The following HDAC8 variants were observed in gnomAD, a reference collection of about 807,000 sequenced individuals.
HDAC8 encodes the protein histone deacetylase 8.
Under a neutral mutation model 32.2 loss-of-function variants are expected in HDAC8, and 1 was observed. The ratio of observed to expected loss-of-function variants is 0.03; its 90% CI spans 0.01 to 0.15. HDAC8 has a LOEUF of 0.15. Among genes scored for constraint, HDAC8 ranks in the 10% least tolerant of loss-of-function variants. The pLI is 1.00. For missense variants in HDAC8, 117 were observed against 300.0 expected, an observed-to-expected ratio of 0.39 and a Z score of 4.51; for synonymous variants, 108 against 113.9, an observed-to-expected ratio of 0.95 and a Z score of 0.33.
intron 10 of HDAC8, among the ~76,000 whole-genome samples, chrX:72,342,457 C>T (rs1602525615): frequency 8.9e-6 from 1 of 112,568 alleles, no homozygotes; most frequent in South Asian, 3.7e-4. Context: ...ACCTGAATCT[C>T]AGTTGTCTAA....
intron 4 of HDAC8, among the ~76,000 whole-genome samples, chrX:72,525,680 G>A (rs946308852): frequency 1.9e-5 from 2 of 107,281 alleles, no homozygotes; most frequent in African/African-American, 3.4e-5. Flanking sequence ...CGGGCGTTGT[G>A]GCGGGCGCCC....
chrX:72,525,672 G>A (rs990293676), intron 4 of HDAC8, among the ~76,000 whole-genome samples: 4 of 107,930 alleles, frequency 3.7e-5, no homozygotes, highest in Non-Finnish European at 7.7e-5. Context: ...AAATTAGCCG[G>A]GCGTTGTGGC....
chrX:72,376,473 C>T (rs1279043670), intron 9 of HDAC8, among the ~76,000 whole-genome samples: 1 of 111,747 alleles, frequency 8.9e-6, no homozygotes, highest in African/African-American at 3.3e-5. Context: ...AGCTGGAGTG[C>T]GGTGGCGCAA....
intron 4 of HDAC8, among the ~76,000 whole-genome samples, chrX:72,516,513 A>G (rs1168611587): frequency 1.8e-5 from 2 of 111,256 alleles, no homozygotes; most frequent in African/African-American, 6.5e-5. Context: ...TGAAAATTCC[A>G]TCTTTCTCTG....
chrX:72,331,224 T>C (rs1416322095), intron 10 of HDAC8, among the ~76,000 whole-genome samples: 1 of 111,034 alleles, frequency 9.0e-6, no homozygotes, highest in Non-Finnish European at 1.9e-5. Flanking sequence ...GGATTACAGG[T>C]ATGCCCGGCC....
intron 9 of HDAC8, among the ~76,000 whole-genome samples, chrX:72,437,492 A>G (rs782388469): frequency 2.7e-5 from 3 of 109,927 alleles, no homozygotes; most frequent in Non-Finnish European, 5.7e-5. Flanking sequence ...GCAAGACAGA[A>G]CTCTTCACTC....
chrX:72,466,107 A>C (rs1201993203), intron 7 of HDAC8, among the ~76,000 whole-genome samples: 1 of 112,146 alleles, frequency 8.9e-6, no homozygotes, highest in African/African-American at 3.2e-5. Flanking sequence ...GAGCATCTAC[A>C]TGTACAGAGC....
chrX:72,338,657 TTATAAATATA>T (rs1300327194), intron 10 of HDAC8, among the ~76,000 whole-genome samples: 53 of 79,367 alleles, frequency 6.7e-4, no homozygotes, highest in African/African-American at 2.3e-3. Context: ...ATATATATAT[TTATAAATATA>T]TATAAATATA....
At chrX:72,475,319 C>G (rs1372381880) in intron 7 of HDAC8, among the ~76,000 whole-genome samples, 3 of 112,274 alleles carry the variant, frequency 2.7e-5, no homozygotes, top group African/African-American at 9.7e-5. Flanking sequence ...AAGTTATTGC[C>G]AGCAGCAAAA....
At chrX:72,453,698 C>T (rs187426551) in intron 9 of HDAC8, among the ~76,000 whole-genome samples, 52 of 111,399 alleles carry the variant, frequency 4.7e-4, no homozygotes, top group Non-Finnish European at 9.0e-4. Flanking sequence ...GATCCTAGCT[C>T]AATGCATCTC....
chrX:72,470,135 G>A (rs987409609), intron 7 of HDAC8, among the ~76,000 whole-genome samples: 26 of 105,701 alleles, frequency 2.5e-4, no homozygotes, highest in African/African-American at 8.3e-4. Context: ...GCCACAGAGT[G>A]AGACACAGTC....
intron 9 of HDAC8, among the ~76,000 whole-genome samples, chrX:72,444,352 T>G (rs1298612017): frequency 1.3e-4 from 14 of 111,248 alleles, no homozygotes; most frequent in Non-Finnish European, 2.3e-4. Context: ...TCAAGTGGGC[T>G]TCATCCCTGG....
intron 4 of HDAC8, among the ~76,000 whole-genome samples, chrX:72,519,544 C>T (rs1451894761): frequency 8.9e-6 from 1 of 111,949 alleles, no homozygotes; most frequent in Non-Finnish European, 1.9e-5. Context: ...TGATTTCCTA[C>T]TGATTAATGA....
chrX:72,523,860 C>A (rs1556030177), intron 4 of HDAC8, among the ~76,000 whole-genome samples: 1 of 111,631 alleles, frequency 9.0e-6, no homozygotes, highest in Non-Finnish European at 1.9e-5. Context: ...GAATGTTGAA[C>A]TGACTTATCC....
chrX:72,524,564 G>A (rs2050078858), intron 4 of HDAC8, among the ~76,000 whole-genome samples: 1 of 111,602 alleles, frequency 9.0e-6, no homozygotes, highest in African/African-American at 3.3e-5. Flanking sequence ...TTTTTAGGAG[G>A]TAGAATCAAC....
At chrX:72,356,705 G>A (rs782142975) in intron 9 of HDAC8, among the ~76,000 whole-genome samples, 2 of 110,906 alleles carry the variant, frequency 1.8e-5, no homozygotes, top group East Asian at 2.8e-4. Context: ...TCAGCCACCC[G>A]AGTAACTGGG....
chrX:72,374,846 C>CAA (rs782140879), intron 9 of HDAC8, among the ~76,000 whole-genome samples: 121 of 96,514 alleles, frequency 1.3e-3, no homozygotes, highest in Non-Finnish European at 2.3e-3. Context: ...CTCACTTTGT[C>CAA]ACCTGGGCTG....
intron 4 of HDAC8, among the ~76,000 whole-genome samples, chrX:72,525,405 C>T (rs1388894537): frequency 9.0e-6 from 1 of 111,006 alleles, no homozygotes; most frequent in African/African-American, 3.3e-5. Flanking sequence ...AATCACAGGC[C>T]AGACCTTCAT....
chrX:72,368,803 C>T lies in HDAC8; in HGVS notation c.1006-16965G>A, dbSNP rs781794001. Among the ~76,000 whole-genome samples the T allele has an allele frequency of 5.3e-5, 6 of 112,681 alleles. No homozygotes were observed. In the East Asian group the frequency reaches 1.7e-3, roughly 32 times the overall value. On this transcript the variant is annotated intron_variant, in intron 9 of 10. Transcript: ENST00000373573. ...CTTAGCACAACGCAGGGCACAAAGACGGCCCTCACTCAAGGCTGGCTGAAT... is the reference window on the plus strand; with the variant it reads ...CTTAGCACAACGCAGGGCACAAAGATGGCCCTCACTCAAGGCTGGCTGAAT...
Sources: gnomAD v4.1 joint callset for allele counts (sites outside exome capture counted in the v4.1 genomes callset) on GRCh38, gnomAD v4.1.1 for gene constraint, MANE v1.5 for transcripts, NCBI Gene and HGNC (gene_info 2026-07-23, HGNC 2026-07-21) for gene names.